Variants in PXDNL observed in about 807,000 individuals in gnomAD.
The protein encoded by PXDNL is peroxidasin like, also known as probable oxidoreductase PXDNL.
A neutral mutation model predicts 150.8 loss-of-function variants in PXDNL; 145 were observed. That is an observed-to-expected ratio of 0.96 (90% CI 0.84 to 1.10). The LOEUF (loss-of-function observed/expected upper bound fraction) is 1.10, where lower values mean the gene tolerates loss of function less well. Ranked by LOEUF, PXDNL falls within the 50% of genes least tolerant of loss-of-function variation. The pLI is 0.00. For missense variants in PXDNL, 2,087 were observed against 1,873.9 expected, an observed-to-expected ratio of 1.11 and a Z score of -2.10; for synonymous variants, 757 against 725.7, an observed-to-expected ratio of 1.04 and a Z score of -0.69.
intron 1 of PXDNL, among the ~76,000 whole-genome samples, chr8:51,725,959 A>C (rs1816811042): frequency 6.6e-6 from 1 of 152,232 alleles, no homozygotes; most frequent in South Asian, 2.1e-4. Flanking sequence ...GTTTTGGTTC[A>C]GTCGTTAATT....
intron 5 of PXDNL, among the ~76,000 whole-genome samples, chr8:51,493,916 G>GA (rs1810967121): frequency 6.6e-6 from 1 of 152,112 alleles, no homozygotes; most frequent in African/African-American, 2.4e-5. Context: ...TTCAAATTCA[G>GA]GAAATACAGA....
intron 1 of PXDNL, among the ~76,000 whole-genome samples, chr8:51,792,559 G>A (rs911871865): frequency 7.9e-5 from 12 of 152,244 alleles, no homozygotes; most frequent in African/African-American, 2.9e-4. Context: ...CATCACTGCA[G>A]CTGCCTGCTG....
intron 3 of PXDNL, among the ~76,000 whole-genome samples, chr8:51,581,453 C>T (rs1813211612): frequency 1.3e-5 from 2 of 151,352 alleles, no homozygotes; most frequent in South Asian, 4.2e-4. Flanking sequence ...GAGATCGCAC[C>T]ACTGCACTCC....
intron 1 of PXDNL, among the ~76,000 whole-genome samples, chr8:51,748,413 T>G (rs1410408442): frequency 2.0e-5 from 3 of 152,226 alleles, no homozygotes; most frequent in African/African-American, 7.2e-5. Context: ...GAGGGAGAGC[T>G]GGGATTGCTC....
intron 5 of PXDNL, among the ~76,000 whole-genome samples, chr8:51,486,756 A>ATATATG (rs1336892933): frequency 6.1e-5 from 1 of 16,500 alleles, no homozygotes; most frequent in African/African-American, 3.2e-4. Flanking sequence ...AAGTTTATAT[A>ATATATG]TATATATATA....
intron 22 of PXDNL, 135 bp from the exon 23 acceptor site, chr8:51,320,157 GCT>G: frequency 1.8e-5 from 13 of 713,556 alleles, no homozygotes; most frequent in Non-Finnish European, 2.2e-5. Context: ...CATAGTATGA[GCT>G]CATTTTTGCA....
At chr8:51,587,239 C>T (rs1273931601) in intron 3 of PXDNL, among the ~76,000 whole-genome samples, 1 of 151,988 alleles carries the variant, frequency 6.6e-6, no homozygotes, top group Non-Finnish European at 1.5e-5. Context: ...TTAAGGGTTG[C>T]TAAATCAAAG....
chr8:51,518,388 C>A (rs76486192), intron 4 of PXDNL, among the ~76,000 whole-genome samples: 1,967 of 152,242 alleles, frequency 0.013, 18 homozygotes, highest in South Asian at 0.026. Context: ...GCACATTAAA[C>A]AATCACAGCA....
rs2037438310 is a variant in PXDNL at position 51,783,973 on chromosome 8, TAC to T, written c.164+25206_164+25207del. On this transcript the variant is annotated intron_variant, in intron 1 of 22. Transcript: ENST00000356297. ...ATGATTGTTCATGTCTTCTGAAAGA[TAC>T]ACAGACTGTGATTAAATATTTTCTT... 2.0e-5 allele frequency among the ~76,000 whole-genome samples: 3 copies of T among 150,832 alleles called. No homozygotes were observed. The South Asian group carries it at 6.4e-4, about 32-fold the overall frequency.
chr8:51,648,456 A>G (rs1228156108), intron 2 of PXDNL, among the ~76,000 whole-genome samples: 3 of 152,208 alleles, frequency 2.0e-5, no homozygotes, highest in Admixed American at 6.5e-5. Flanking sequence ...AAGAAACACC[A>G]AAGGATGCCA....
At chr8:51,617,447 TAA>T (rs1333088925) in intron 2 of PXDNL, among the ~76,000 whole-genome samples, 2 of 152,248 alleles carry the variant, frequency 1.3e-5, no homozygotes, top group Admixed American at 1.3e-4. Flanking sequence ...TTAAATGCTA[TAA>T]GTGTCTTGGT....
intron 10 of PXDNL, among the ~76,000 whole-genome samples, chr8:51,450,879 T>C (rs987914764): frequency 2.0e-5 from 3 of 152,160 alleles, no homozygotes; most frequent in Non-Finnish European, 4.4e-5. Flanking sequence ...GTAGAGAATC[T>C]GGGCCGCTCA....
chr8:51,644,854 G>T (rs1289742426), intron 2 of PXDNL, among the ~76,000 whole-genome samples: 1 of 151,910 alleles, frequency 6.6e-6, no homozygotes, highest in African/African-American at 2.4e-5. Flanking sequence ...GCCCCAGGCT[G>T]ATTGTAGACG....
intron 1 of PXDNL, among the ~76,000 whole-genome samples, chr8:51,802,629 G>T (rs376358414): frequency 1.3e-5 from 2 of 152,118 alleles, no homozygotes; most frequent in South Asian, 2.1e-4. Context: ...CATTTGTTGT[G>T]GCTACTCTGT....
In PXDNL at chr8:51,408,497, C is replaced by CTGCATTCACGT. The variant is rs1352919700; in HGVS notation, c.3116_3126dup (p.Gly1043ThrfsTer2). ...GCAGTAGCAAAAGAGTTAATGATGC[C>CTGCATTCACGT]TGCATTCACGTTGGGGTTGTAGCCT... On this transcript the variant is annotated stop_gained and frameshift_variant, in exon 17 of 23. Transcript: ENST00000356297. LOFTEE classifies it high-confidence loss of function. 1.9e-6 allele frequency: 3 copies of CTGCATTCACGT among 1,613,448 alleles called. No individual in the cohort carries two copies. The highest frequency in any genetic ancestry group is 1.7e-5 in the Admixed American group (1 of 59,932).
intron 1 of PXDNL, among the ~76,000 whole-genome samples, chr8:51,701,907 T>G (rs1816266092): frequency 6.6e-6 from 1 of 152,214 alleles, no homozygotes; most frequent in Non-Finnish European, 1.5e-5. Context: ...AGACTGCCCA[T>G]GAAATTCACC....
intron 5 of PXDNL, among the ~76,000 whole-genome samples, chr8:51,485,516 G>C (rs1810709417): frequency 6.6e-6 from 1 of 152,196 alleles, no homozygotes; most frequent in South Asian, 2.1e-4. Context: ...CCCACCCCTT[G>C]ATACCTGAAA....
chr8:51,790,642 C>G (rs560286184), intron 1 of PXDNL, among the ~76,000 whole-genome samples: 35 of 152,138 alleles, frequency 2.3e-4, no homozygotes, highest in African/African-American at 8.2e-4. Flanking sequence ...AGTCGCAGCT[C>G]TCTGCGACAC....
chr8:51,409,104 A>G lies in PXDNL; in HGVS notation c.2520T>C (p.Pro840=). 1 of 1,609,020 alleles carries G rather than the reference A, an allele frequency of 6.2e-7. No individual in the cohort carries two copies. The highest frequency in any genetic ancestry group is 1.7e-4 in the Middle Eastern group (1 of 6,060). ...RPCSSVCTND[P]PCFPMNTRHA... ...GCCGGGTGTTCATGGGGAAACAAGG[A>G]GGGTCGTTGGTGCAGACGGAGCTGC... Residue 840 remains proline, a synonymous_variant, in exon 17 of 23, where the codon CCT becomes CCC. Transcript: ENST00000356297.
Sources: allele counts gnomAD v4.1 joint callset (sites outside exome capture counted in the v4.1 genomes callset), GRCh38; gene constraint gnomAD v4.1.1; transcripts MANE v1.5; gene names NCBI Gene and HGNC (gene_info 2026-07-23, HGNC 2026-07-21).